CLEC19A: variants seen among roughly 807,000 people sequenced by gnomAD.
CLEC19A encodes C-type lectin domain family 19 member A.
CLEC19A carries 21 observed loss-of-function variants against 26.1 expected under a neutral mutation model. The ratio of observed to expected loss-of-function variants is 0.80; its 90% CI spans 0.57 to 1.16. CLEC19A has a LOEUF of 1.16. CLEC19A is among the 50% of genes most tolerant of loss of function. CLEC19A has a pLI of 0.00. For missense variants in CLEC19A, 224 were observed against 227.6 expected (o/e 0.98, Z 0.10); for synonymous variants, 89 against 88.6 (o/e 1.00, Z -0.03).
At chr16:19,290,124 A>C (rs1251285283) in intron 1 of CLEC19A, among the ~76,000 whole-genome samples, 1 of 152,080 alleles carries the variant, frequency 6.6e-6, no homozygotes, top group Non-Finnish European at 1.5e-5. Context: ...TTATTCCTTT[A>C]AAAAGAGTGG....
chr16:19,301,735 G>GTTTTTTTTTTTTTTTTTTTTTTTTTTTT (rs750529291), intron 2 of CLEC19A, among the ~76,000 whole-genome samples: 1 of 35,126 alleles, frequency 2.8e-5, no homozygotes. Context: ...AGGTTTTTTT[G>GTTTTTTTTTTTTTTTTTTTTTTTTTTTT]GTTTTTTTTT....
intron 1 of CLEC19A, 138 bp from the exon 2 acceptor site, chr16:19,298,535 C>G: frequency 1.1e-6 from 1 of 874,588 alleles, no homozygotes; most frequent in Non-Finnish European, 1.7e-6. Flanking sequence ...CACTGCACTT[C>G]AGCCTGGGCA....
chr16:19,302,074 A>G (rs1897847675), intron 2 of CLEC19A, among the ~76,000 whole-genome samples: 1 of 152,040 alleles, frequency 6.6e-6, no homozygotes, highest in South Asian at 2.1e-4. Context: ...CATCTTTCTG[A>G]GAGTGAGCAA....
At chr16:19,288,255 G>C (rs1030393154) in intron 1 of CLEC19A, among the ~76,000 whole-genome samples, 1 of 152,208 alleles carries the variant, frequency 6.6e-6, no homozygotes, top group Non-Finnish European at 1.5e-5. Context: ...TTTCAACACA[G>C]AGGGAATGTG....
At chr16:19,295,759 G>T (rs1304007697) in intron 1 of CLEC19A, among the ~76,000 whole-genome samples, 1 of 152,150 alleles carries the variant, frequency 6.6e-6, no homozygotes, top group East Asian at 1.9e-4. Flanking sequence ...GAAATGATTT[G>T]CTGCTTCTCA....
Position 19,309,293 on chromosome 16 carries a change from T to C in CLEC19A, c.*210T>C. Reference sequence around the variant, plus strand: ...CAAATTGGCTTAATTTTTTAAAGTGTTTTTTTTTTTAAATTGACCCAAGTA... The same window carrying C: ...CAAATTGGCTTAATTTTTTAAAGTGCTTTTTTTTTTAAATTGACCCAAGTA... On this transcript the variant is annotated 3_prime_UTR_variant, in exon 5 of 5. Transcript: ENST00000636231. 2.9e-6 allele frequency: 1 copy of C among 347,426 alleles called. No homozygotes were observed. Among genetic ancestry groups the C allele is most frequent in the South Asian group, 4.1e-5 (1 of 24,134 alleles). 21.5% of individuals were successfully genotyped at this position (347,426 alleles called of 1,614,324 possible). A position where few individuals can be genotyped will look rare whatever the true frequency, so the allele number is the denominator to read the frequency against.
rs1898044036 is a variant in CLEC19A, at chr16:19,310,303, C to T, written c.*1220C>T. 1 of 151,826 alleles carries T rather than the reference C, an allele frequency of 6.6e-6. No individual in the cohort carries two copies. Among genetic ancestry groups the T allele is most frequent in the African/African-American group, 2.4e-5 (1 of 41,338 alleles). The allele number at this position is 151,826 out of a possible 1,614,324, so 9.4% of individuals were successfully genotyped here. ...GGGCAACATAGTAAGACCCCATCTC[C>T]ATAAGAAAAATTTTTTAATTAGCCA... On this transcript the variant is annotated 3_prime_UTR_variant, in exon 5 of 5. Transcript: ENST00000636231.
Position 19,287,797 on chromosome 16 carries a change from T to C in CLEC19A, c.88+1858T>C, listed in dbSNP as rs557774699. On this transcript the variant is annotated intron_variant, in intron 1 of 4. Coordinates refer to ENST00000636231, the MANE Select transcript of CLEC19A (RefSeq NM_001256720.2). ...TATCAAGGGTTTTGGAGATCTTCAA[T>C]GAGCTCGTGCAGGTGAAGTGCTTAG... Among the ~76,000 whole-genome samples the C allele has an allele frequency of 4.6e-5, 7 of 152,352 alleles. 1 individual carries two copies. In the South Asian group the frequency reaches 1.2e-3, roughly 27 times the overall value.
chr16:19,307,650 G>A lies in CLEC19A; in HGVS notation c.454G>A (p.Val152Met), dbSNP rs202158142. 4.2e-4 allele frequency: 645 copies of A among 1,548,256 alleles called. 2 individuals carry two copies. The highest frequency in any genetic ancestry group is 5.2e-4 in the Non-Finnish European group (600 of 1,146,818). Residue 152 changes from valine to methionine, a missense_variant, in exon 4 of 5, where the codon GTG becomes ATG. By Grantham distance (21) the Val-to-Met change is conservative (BLOSUM62 1). Transcript: ENST00000636231. ...VHADPEEEDC[V>M]QIWYRPTSAL... is the part of the protein sequence containing the mutation. ...CGCGGACCCAGAAGAAGAGGACTGC[G>A]TGCAGATATGGTACAGGCCTACCAG...
At position 19,298,819 on chromosome 16, in the gene CLEC19A, A is replaced by G. The variant is rs1177515454; in HGVS notation, c.235A>G (p.Lys79Glu). ...GTTCTCTGTGGGCAGGAAGTCCGCC[A>G]AGCTGGCCTCCATCCACAGGTAAGT... ...SEFSVGRKSA[K>E]LASIHSWEEN... The change falls in exon 2 of 5, where the codon AAG (lysine) becomes GAG (glutamate). Residue 79 changes from lysine (K) to glutamate (E), a missense_variant. Lys to Glu is a moderately conservative substitution (Grantham distance 56, BLOSUM62 1). Transcript: ENST00000636231. The G allele has an allele frequency of 1.9e-6, 3 of 1,550,462 alleles. No individual in the cohort carries two copies. The highest frequency in any genetic ancestry group is 2.6e-6 in the Non-Finnish European group (3 of 1,146,926).
intron 2 of CLEC19A, among the ~76,000 whole-genome samples, chr16:19,302,015 A>C (rs1451107343): frequency 6.6e-6 from 1 of 152,030 alleles, no homozygotes; most frequent in Non-Finnish European, 1.5e-5. Flanking sequence ...ATAATAAACT[A>C]TAATTCTGCC....
intron 1 of CLEC19A, among the ~76,000 whole-genome samples, chr16:19,296,496 A>G (rs1897707915): frequency 6.6e-6 from 1 of 152,210 alleles, no homozygotes; most frequent in African/African-American, 2.4e-5. Flanking sequence ...TGGCCCAATC[A>G]GTTGACCCAG....
At chr16:19,296,425 C>T (rs1316393403) in intron 1 of CLEC19A, among the ~76,000 whole-genome samples, 4 of 152,180 alleles carry the variant, frequency 2.6e-5, no homozygotes, top group Non-Finnish European at 5.9e-5. Context: ...AAACCCTGAG[C>T]TAATCATTAA....
intron 2 of CLEC19A, among the ~76,000 whole-genome samples, chr16:19,300,142 T>C (rs1897787573): frequency 6.6e-6 from 1 of 151,924 alleles, no homozygotes; most frequent in Non-Finnish European, 1.5e-5. Context: ...GAGAATCGCT[T>C]GAACCCAGGG....
At chr16:19,307,497 T>A (rs1196761076) in intron 3 of CLEC19A, 48 bp from the exon 4 acceptor site, 1 of 1,543,472 alleles carries the variant, frequency 6.5e-7, no homozygotes, top group Admixed American at 2.0e-5. Context: ...AAATGCCTGA[T>A]CTTCTTCTTG....
chr16:19,285,834 G>T lies in CLEC19A; in HGVS notation c.-18G>T. 1.3e-6 allele frequency: 2 copies of T among 1,549,740 alleles called. No homozygotes were observed. The highest frequency in any genetic ancestry group is 1.7e-6 in the Non-Finnish European group (2 of 1,146,418). ...TCTCCTCCACTCAGGCTGGGAGGTT[G>T]CTTTCTAGGAGCTCAGGATGCAAAG... is the stretch of plus-strand genomic sequence containing the variant. On this transcript the variant is annotated 5_prime_UTR_variant, in exon 1 of 5. Transcript: ENST00000636231.
Position 19,301,743 on chromosome 16 carries a change from T to TTG in CLEC19A, c.255-2318_255-2317insGT, listed in dbSNP as rs1555467820. Among the ~76,000 whole-genome samples the TTG allele has an allele frequency of 9.4e-4, 108 of 114,618 alleles. 6 individuals carry two copies. Among genetic ancestry groups the TTG allele is most frequent in the Middle Eastern group, 3.9e-3 (1 of 258 alleles). The allele number at this position is 114,618 out of a possible 152,430, so 75.2% of individuals were successfully genotyped here. On this transcript the variant is annotated intron_variant, in intron 2 of 4. Coordinates refer to ENST00000636231, the MANE Select transcript of CLEC19A (RefSeq NM_001256720.2). ...CATGCCCAGGTTTTTTTGGTTTTTT[T>TTG]TTTTTTTTTTTTTTTTTTTTTGTAT... is the stretch of plus-strand genomic sequence containing the variant.
rs954225540 is a variant in CLEC19A at position 19,296,961 on chromosome 16, C to T, written c.89-1712C>T. On this transcript the variant is annotated intron_variant, in intron 1 of 4. Coordinates refer to ENST00000636231, the MANE Select transcript of CLEC19A (RefSeq NM_001256720.2). Reference sequence around the variant, plus strand: ...GAGCTGGGGGTAGGACCCAGGCTCTCAACCCCAGTCTAACAGATTCCACCC... The same window carrying T: ...GAGCTGGGGGTAGGACCCAGGCTCTTAACCCCAGTCTAACAGATTCCACCC... 2.0e-5 allele frequency among the ~76,000 whole-genome samples: 3 copies of T among 152,144 alleles called. No individual in the cohort carries two copies. The South Asian group carries it at 6.2e-4, about 32-fold the overall frequency.
intron 2 of CLEC19A, among the ~76,000 whole-genome samples, chr16:19,301,729 T>A (rs1484866001): frequency 3.1e-5 from 2 of 63,910 alleles, no homozygotes; most frequent in African/African-American, 1.0e-4. Context: ...ATGCCCAGGT[T>A]TTTTTGGTTT....
Sources: gnomAD v4.1 joint callset for allele counts (sites outside exome capture counted in the v4.1 genomes callset) on GRCh38, gnomAD v4.1.1 for gene constraint, MANE v1.5 for transcripts, NCBI Gene and HGNC (gene_info 2026-07-23, HGNC 2026-07-21) for gene names.